Variants in PCDH9 observed in about 807,000 individuals in gnomAD.
PCDH9 encodes the protein protocadherin-9.
PCDH9 carries 24 observed loss-of-function variants against 70.6 expected under a neutral mutation model. The observed-to-expected ratio is 0.34, with a 90% CI of 0.25 to 0.48. The LOEUF is 0.48. Ranked by LOEUF, PCDH9 falls within the 20% of genes least tolerant of loss-of-function variation. PCDH9 has a pLI of 0.99. For missense variants in PCDH9, 1,281 were observed against 1,503.6 expected (o/e 0.85, Z 2.45); for synonymous variants, 562 against 558.5 (o/e 1.01, Z -0.09).
intron 3 of PCDH9, among the ~76,000 whole-genome samples, chr13:66,745,515 T>G (rs912870818): frequency 2.0e-5 from 3 of 152,136 alleles, no homozygotes. Flanking sequence ...TGCTAATGAT[T>G]TTTTCATGTT....
At chr13:67,017,313 CG>C (rs2084583029) in intron 2 of PCDH9, among the ~76,000 whole-genome samples, 1 of 152,180 alleles carries the variant, frequency 6.6e-6, no homozygotes. Flanking sequence ...GATTTCTGAA[CG>C]TTCATTCGGT....
intron 4 of PCDH9, among the ~76,000 whole-genome samples, chr13:66,459,128 A>T (rs1009307437): frequency 5.3e-5 from 8 of 151,952 alleles, no homozygotes; most frequent in Admixed American, 4.6e-4. Flanking sequence ...TACAGGGAAA[A>T]ATACTTCCAG....
At chr13:67,036,606 A>G (rs1425589583) in intron 2 of PCDH9, among the ~76,000 whole-genome samples, 1 of 152,178 alleles carries the variant, frequency 6.6e-6, no homozygotes, top group African/African-American at 2.4e-5. Context: ...ATGTTGTTAT[A>G]TTTAAATTAA....
At chr13:66,766,741 G>T (rs1450167356) in intron 3 of PCDH9, among the ~76,000 whole-genome samples, 1 of 151,902 alleles carries the variant, frequency 6.6e-6, no homozygotes, top group Non-Finnish European at 1.5e-5. Flanking sequence ...TGGAAAGTTC[G>T]GTTATTGGGA....
chr13:66,475,007 AAT>A (rs1958694043), intron 4 of PCDH9, among the ~76,000 whole-genome samples: 1 of 152,126 alleles, frequency 6.6e-6, no homozygotes, highest in Admixed American at 6.5e-5. Context: ...ACTCTGTCAC[AAT>A]AGATAGGTTA....
intron 3 of PCDH9, among the ~76,000 whole-genome samples, chr13:66,798,596 C>T (rs749337987): frequency 4.6e-5 from 7 of 152,134 alleles, no homozygotes; most frequent in East Asian, 1.9e-4. Context: ...TTTTGCCTAA[C>T]GGAAATCTAC....
chr13:67,165,956 T>C (rs2138430004), intron 2 of PCDH9, among the ~76,000 whole-genome samples: 1 of 152,340 alleles, frequency 6.6e-6, no homozygotes, highest in East Asian at 1.9e-4. Flanking sequence ...CAGACTTAGA[T>C]GTATCTATTA....
rs2080723877 is a variant in PCDH9, at chr13:66,822,167, T to C, written c.3138+81337A>G. Among the ~76,000 whole-genome samples the C allele has an allele frequency of 4.3e-5, 6 of 139,244 alleles. No homozygotes were observed. In the South Asian group the frequency reaches 9.1e-4, roughly 21 times the overall value. The allele number at this position is 139,244 out of a possible 152,430, so 91.3% of individuals were successfully genotyped here. A position where few individuals can be genotyped will look rare whatever the true frequency, so the allele number is the denominator to read the frequency against. ...ACACACACACACACACACTCATATA[T>C]AGACATAACTACTAAGATTTTCCAC... On this transcript the variant is annotated intron_variant, in intron 3 of 4. Coordinates refer to ENST00000377865, the MANE Select transcript of PCDH9 (RefSeq NM_203487.3).
At chr13:67,069,442 A>C (rs1163404673) in intron 2 of PCDH9, among the ~76,000 whole-genome samples, 1 of 152,190 alleles carries the variant, frequency 6.6e-6, no homozygotes, top group Non-Finnish European at 1.5e-5. Context: ...TCTTTTAAAA[A>C]ATTAACTCTA....
At chr13:66,691,879 C>T (rs555730456) in intron 3 of PCDH9, among the ~76,000 whole-genome samples, 2 of 152,198 alleles carry the variant, frequency 1.3e-5, no homozygotes, top group East Asian at 1.9e-4. Context: ...CAAAGACATG[C>T]TTATTATATA....
chr13:66,620,059 T>C (rs2077403790), intron 4 of PCDH9, among the ~76,000 whole-genome samples: 1 of 152,158 alleles, frequency 6.6e-6, no homozygotes, highest in South Asian at 2.1e-4. Context: ...TATTTTATAT[T>C]CTCTTTTTTA....
intron 2 of PCDH9, among the ~76,000 whole-genome samples, chr13:67,022,323 G>T (rs1183609320): frequency 6.6e-6 from 1 of 151,702 alleles, no homozygotes; most frequent in Non-Finnish European, 1.5e-5. Flanking sequence ...GTTTCTCCGT[G>T]TTGGTCAGGC....
At chr13:66,805,719 T>C (rs1348337058) in intron 3 of PCDH9, among the ~76,000 whole-genome samples, 1 of 152,206 alleles carries the variant, frequency 6.6e-6, no homozygotes, top group Non-Finnish European at 1.5e-5. Context: ...TTCCGTCCTA[T>C]GTCCTCATAT....
chr13:66,690,348 G>A (rs550468668), intron 3 of PCDH9, among the ~76,000 whole-genome samples: 5 of 152,228 alleles, frequency 3.3e-5, no homozygotes, highest in African/African-American at 1.2e-4. Context: ...AAACTTCGAG[G>A]TAATCCTGAC....
At chr13:66,829,746 A>T (rs2875503) in intron 3 of PCDH9, among the ~76,000 whole-genome samples, 1 of 147,064 alleles carries the variant, frequency 6.8e-6, no homozygotes, top group African/African-American at 2.5e-5. Flanking sequence ...AAAAAAAAAA[A>T]TTTCATTTAG....
At chr13:66,786,733 T>G (rs2080085568) in intron 3 of PCDH9, among the ~76,000 whole-genome samples, 1 of 152,142 alleles carries the variant, frequency 6.6e-6, no homozygotes, top group Admixed American at 6.6e-5. Context: ...AACTGTATAA[T>G]TTAAAGGTAG....
intron 4 of PCDH9, among the ~76,000 whole-genome samples, chr13:66,478,107 G>C (rs1334920273): frequency 1.3e-5 from 2 of 152,042 alleles, no homozygotes; most frequent in African/African-American, 4.8e-5. Flanking sequence ...TTAAATGTTT[G>C]GTGCATTATT....
At chr13:66,630,358 A>C (rs1484692880) in intron 4 of PCDH9, among the ~76,000 whole-genome samples, 1 of 152,168 alleles carries the variant, frequency 6.6e-6, no homozygotes, top group Non-Finnish European at 1.5e-5. Flanking sequence ...GTAAAATAGA[A>C]ATTACAGTCA....
At position 66,899,324 on chromosome 13, in the gene PCDH9, T is replaced by C. The variant is rs558274630; in HGVS notation, c.3138+4180A>G. Among the ~76,000 whole-genome samples the C allele has an allele frequency of 4.3e-4, 65 of 152,066 alleles. 1 individual carries two copies. Among genetic ancestry groups the C allele is most frequent in the Admixed American group, 1.0e-3 (16 of 15,254 alleles). On this transcript the variant is annotated intron_variant, in intron 3 of 4. Transcript: ENST00000377865. ...CCATGAATTTCATACTCATGATAAC[T>C]GCCACATTTCCAAAGTCTAGAGGCT...
Sources: allele counts gnomAD v4.1 joint callset (sites outside exome capture counted in the v4.1 genomes callset), GRCh38; gene constraint gnomAD v4.1.1; transcripts MANE v1.5; gene names NCBI Gene and HGNC (gene_info 2026-07-23, HGNC 2026-07-21).